EZH2: variants seen among roughly 807,000 people sequenced by gnomAD.
EZH2 encodes the protein enhancer of zeste 2 polycomb repressive complex 2 subunit, also known as histone-lysine N-methyltransferase EZH2.
EZH2 carries 18 observed loss-of-function variants against 98.4 expected under a neutral mutation model. That is an observed-to-expected ratio of 0.18 (90% confidence interval 0.13 to 0.27). The LOEUF is 0.27. Ranked by LOEUF, EZH2 falls within the 10% of genes least tolerant of loss-of-function variation. EZH2 has a pLI of 1.00. For missense variants in EZH2, 470 were observed against 935.1 expected (o/e 0.50, Z 6.49); for synonymous variants, 338 against 312.3 (o/e 1.08, Z -0.87).
chr7:148,867,754 G>A (rs1818750567), intron 1 of EZH2, among the ~76,000 whole-genome samples: 1 of 152,132 alleles, frequency 6.6e-6, no homozygotes, highest in Non-Finnish European at 1.5e-5. Context: ...TTAAATTTAA[G>A]TTCCAGTTTC....
intron 1 of EZH2, among the ~76,000 whole-genome samples, chr7:148,852,515 A>C (rs1298887320): frequency 6.6e-6 from 1 of 152,158 alleles, no homozygotes; most frequent in African/African-American, 2.4e-5. Context: ...ACAGGGTTAG[A>C]TACACGGCCA....
intron 1 of EZH2, among the ~76,000 whole-genome samples, chr7:148,854,105 A>C (rs938010531): frequency 6.6e-6 from 1 of 152,208 alleles, no homozygotes; most frequent in Non-Finnish European, 1.5e-5. Context: ...TAACTGAATA[A>C]TTTGAAAAAA....
chr7:148,815,367 C>A, intron 13 of EZH2, 139 bp downstream of exon 13: 1 of 878,332 alleles, frequency 1.1e-6, no homozygotes. Flanking sequence ...AGTAGACGTC[C>A]TCCATTCAAA....
intron 4 of EZH2, among the ~76,000 whole-genome samples, chr7:148,830,977 T>G (rs1481130220): frequency 6.6e-6 from 1 of 152,074 alleles, no homozygotes; most frequent in Non-Finnish European, 1.5e-5. Flanking sequence ...GAAAGATAAT[T>G]ATAATAAGCA....
rs1369190067 is a variant in EZH2 at position 148,846,553 on chromosome 7, T to C, written c.163A>G (p.Ile55Val). Reference sequence around the variant, plus strand: ...CGCTGTTTCCATTCTTGGTTTAAGATTTCCGTTCTTTCCAAAATTTTCTGA... The same window carrying C: ...CGCTGTTTCCATTCTTGGTTTAAGACTTCCGTTCTTTCCAAAATTTTCTGA... ...NRQKILERTEILNQEWKQRRI... is the reference protein window; with the variant it reads ...NRQKILERTEVLNQEWKQRRI... Residue 55 changes from isoleucine to valine, a missense_variant, in exon 3 of 20, where the codon ATC (isoleucine) becomes GTC (valine). By Grantham distance (29) the Ile-to-Val change is conservative (BLOSUM62 3). Coordinates refer to ENST00000320356, the MANE Select transcript of EZH2 (RefSeq NM_004456.5). 6.2e-7 allele frequency: 1 copy of C among 1,613,790 alleles called. No homozygotes were observed. Among genetic ancestry groups the C allele is most frequent in the Admixed American group, 1.7e-5 (1 of 59,982 alleles).
At chr7:148,826,381 G>A (rs1302573304) in intron 8 of EZH2, 73 bp downstream of exon 8, 46 of 1,136,714 alleles carry the variant, frequency 4.0e-5, no homozygotes, top group Non-Finnish European at 3.5e-6. Flanking sequence ...AATTCTAGTT[G>A]TAATAAATGA....
chr7:148,813,797 G>C (rs531435120), intron 15 of EZH2, among the ~76,000 whole-genome samples, 162 bp downstream of exon 15: 1 of 151,838 alleles, frequency 6.6e-6, no homozygotes, highest in Non-Finnish European at 1.5e-5. Flanking sequence ...ACTGCCCAAG[G>C]GTGCATTACC....
chr7:148,881,888 C>G (rs373526764), intron 1 of EZH2, among the ~76,000 whole-genome samples: 5 of 151,022 alleles, frequency 3.3e-5, no homozygotes, highest in East Asian at 3.9e-4. Context: ...GAGCCCAGAT[C>G]CAGCCACTGC....
chr7:148,816,629 T>G, intron 12 of EZH2, 55 bp downstream of exon 12: 1 of 1,358,298 alleles, frequency 7.4e-7, no homozygotes, highest in Non-Finnish European at 1.1e-6. Flanking sequence ...GGAAGGGCCT[T>G]GCCTGCAGTG....
intron 3 of EZH2, among the ~76,000 whole-genome samples, chr7:148,841,973 G>C (rs1812561928): frequency 6.6e-6 from 1 of 152,132 alleles, no homozygotes; most frequent in African/African-American, 2.4e-5. Context: ...GAGCAAATCT[G>C]TAAATATTTA....
chr7:148,827,112 G>T, intron 7 of EZH2, 52 bp downstream of exon 7: 1 of 1,370,120 alleles, frequency 7.3e-7, no homozygotes, highest in Non-Finnish European at 1.0e-6. Context: ...AACCAAAATG[G>T]TGAGTTACAT....
intron 1 of EZH2, among the ~76,000 whole-genome samples, chr7:148,858,519 T>A (rs1817191206): frequency 6.6e-6 from 1 of 151,916 alleles, no homozygotes; most frequent in Non-Finnish European, 1.5e-5. Context: ...CAAATATAAT[T>A]CTACTTTTTC....
chr7:148,866,678 GTATATGCATATATATATACA>G lies in EZH2; in HGVS notation c.-8+17466_-8+17485del, dbSNP rs1287341820. On this transcript the variant is annotated intron_variant, in intron 1 of 19. Coordinates refer to ENST00000320356, the MANE Select transcript of EZH2 (RefSeq NM_004456.5). ...TATACGTATATGCATATATATGTAC[GTATATGCATATATATATACA>G]TATATGCATATATATATATATTTAT... Among the ~76,000 whole-genome samples the G allele has an allele frequency of 8.5e-3, 1,224 of 144,686 alleles. 25 individuals carry two copies. Among genetic ancestry groups the G allele is most frequent in the African/African-American group, 0.03 (1,164 of 39,320 alleles). The allele number at this position is 144,686 out of a possible 152,430, so 94.9% of individuals were successfully genotyped here.
chr7:148,859,888 C>A (rs544839180), intron 1 of EZH2, among the ~76,000 whole-genome samples: 30 of 152,312 alleles, frequency 2.0e-4, no homozygotes, highest in African/African-American at 6.3e-4. Flanking sequence ...GAGTTGCTTG[C>A]TGGCCCCGTT....
intron 8 of EZH2, among the ~76,000 whole-genome samples, chr7:148,822,454 G>A (rs1197592743): frequency 1.3e-5 from 2 of 151,246 alleles, no homozygotes; most frequent in East Asian, 1.9e-4. Flanking sequence ...AGGCTGCAAT[G>A]AGCCAAGATC....
At chr7:148,824,820 G>C (rs1584990851) in intron 8 of EZH2, among the ~76,000 whole-genome samples, 1 of 152,258 alleles carries the variant, frequency 6.6e-6, no homozygotes, top group South Asian at 2.1e-4. Context: ...AGAAGTAAAA[G>C]TGGGCCTAGC....
At chr7:148,852,984 A>G in intron 1 of EZH2, among the ~76,000 whole-genome samples, 1 of 152,138 alleles carries the variant, frequency 6.6e-6, no homozygotes, top group Non-Finnish European at 1.5e-5. Context: ...ACATTCTCCC[A>G]TATACTTTAA....
At chr7:148,835,275 T>C (rs1562985791) in intron 3 of EZH2, among the ~76,000 whole-genome samples, 1 of 151,914 alleles carries the variant, frequency 6.6e-6, no homozygotes, top group Non-Finnish European at 1.5e-5. Flanking sequence ...CACAAAAAAT[T>C]AGCCCAGCAA....
chr7:148,881,134 A>G (rs933274839), intron 1 of EZH2, among the ~76,000 whole-genome samples: 2 of 152,256 alleles, frequency 1.3e-5, no homozygotes, highest in African/African-American at 4.8e-5. Flanking sequence ...ATCTATACTG[A>G]TATAAAGACT....
Sources: gnomAD v4.1 joint callset for allele counts (sites outside exome capture counted in the v4.1 genomes callset) on GRCh38, gnomAD v4.1.1 for gene constraint, MANE v1.5 for transcripts, NCBI Gene and HGNC (gene_info 2026-07-23, HGNC 2026-07-21) for gene names.